Variants in F13A1 observed in about 807,000 individuals in gnomAD.
F13A1 encodes the protein FSF, A subunit.
Under a neutral mutation model 80.1 loss-of-function variants are expected in F13A1, and 47 were observed. The observed-to-expected ratio is 0.59, with a 90% CI of 0.46 to 0.75. The LOEUF (loss-of-function observed/expected upper bound fraction) is 0.75. F13A1 is among the 30% of genes least tolerant of loss of function. The pLI is 0.00. For missense variants in F13A1, 817 were observed against 930.4 expected, an observed-to-expected ratio of 0.88 and a Z score of 1.59; for synonymous variants, 349 against 344.9, an observed-to-expected ratio of 1.01 and a Z score of -0.13.
intron 6 of F13A1, 137 bp from the exon 7 acceptor site, chr6:6,224,997 GT>G: frequency 1.1e-6 from 1 of 909,232 alleles, no homozygotes; most frequent in Non-Finnish European, 1.7e-6. Flanking sequence ...CTTCTGTTCG[GT>G]TTACCATTAC....
intron 11 of F13A1, among the ~76,000 whole-genome samples, chr6:6,179,776 C>A (rs1376330296): frequency 2.6e-5 from 4 of 152,186 alleles, no homozygotes; most frequent in Non-Finnish European, 4.4e-5. Context: ...TTGGACCAGA[C>A]CTCCACACTG....
At chr6:6,234,919 G>T (rs1290915596) in intron 6 of F13A1, among the ~76,000 whole-genome samples, 1 of 151,886 alleles carries the variant, frequency 6.6e-6, no homozygotes, top group Non-Finnish European at 1.5e-5. Context: ...TAAGTAGCAT[G>T]ACACCATTTG....
intron 6 of F13A1, among the ~76,000 whole-genome samples, chr6:6,245,476 G>A (rs1460291888): frequency 2.6e-5 from 4 of 152,220 alleles, no homozygotes; most frequent in East Asian, 3.9e-4. Flanking sequence ...TGCCCGCCTC[G>A]GCCTCCCAAA....
Position 6,301,182 on chromosome 6 carries a change from T to C in F13A1, c.319+4169A>G, listed in dbSNP as rs545010607. Among the ~76,000 whole-genome samples the C allele has an allele frequency of 6.4e-4, 97 of 152,324 alleles. 1 individual carries two copies. The highest frequency in any genetic ancestry group is 2.2e-3 in the African/African-American group (93 of 41,580). On this transcript the variant is annotated intron_variant, in intron 3 of 14. Coordinates refer to ENST00000264870, the MANE Select transcript of F13A1 (RefSeq NM_000129.4). ...AGGCACTGAATTTTAAGAGAATTAT[T>C]TCCCCAGCAATGTTCTTTTTTCTTC...
intron 8 of F13A1, among the ~76,000 whole-genome samples, chr6:6,197,827 G>A (rs140753825): frequency 6.6e-6 from 1 of 152,216 alleles, no homozygotes; most frequent in East Asian, 1.9e-4. Flanking sequence ...CATCCCTCAG[G>A]ACACTCACAT....
intron 10 of F13A1, 132 bp downstream of exon 10, chr6:6,195,665 C>T: frequency 1.3e-6 from 1 of 780,518 alleles, no homozygotes; most frequent in Non-Finnish European, 2.2e-6. Context: ...GGAATAATGC[C>T]TAGTTACCTT....
At chr6:6,310,120 G>A (rs1296685542) in intron 2 of F13A1, among the ~76,000 whole-genome samples, 2 of 152,170 alleles carry the variant, frequency 1.3e-5, no homozygotes, top group Non-Finnish European at 2.9e-5. Context: ...AGTCCATCAT[G>A]GCATAGTGCT....
chr6:6,248,255 T>G lies in F13A1; in HGVS notation c.798+57A>C. The G allele has an allele frequency of 2.2e-6, 3 of 1,362,848 alleles. No individual in the cohort carries two copies. The South Asian group carries it at 3.5e-5, about 16-fold the overall frequency. 84.4% of individuals were successfully genotyped at this position (1,362,848 alleles called of 1,614,324 possible). A position where few individuals can be genotyped will look rare whatever the true frequency, so the allele number is the denominator to read the frequency against. On this transcript the variant is annotated intron_variant, in intron 6 of 14. Coordinates refer to ENST00000264870, the MANE Select transcript of F13A1 (RefSeq NM_000129.4). ...CAGCAGCTCTTAATGAACTGGCATA[T>G]ATACTGAGGCAAATGACAGGTGTAA...
At chr6:6,302,181 C>T (rs1456436218) in intron 3 of F13A1, among the ~76,000 whole-genome samples, 1 of 152,170 alleles carries the variant, frequency 6.6e-6, no homozygotes, top group Non-Finnish European at 1.5e-5. Flanking sequence ...CTTCCCTCTC[C>T]TCTTCTCCCC....
chr6:6,158,730 G>A (rs1760520968), intron 13 of F13A1, among the ~76,000 whole-genome samples: 1 of 151,998 alleles, frequency 6.6e-6, no homozygotes, highest in Non-Finnish European at 1.5e-5. Context: ...AAAATGGTCA[G>A]GGTTCAGCAA....
rs148436386 is a variant in F13A1 at position 6,301,843 on chromosome 6, A to G, written c.319+3508T>C. 2.9e-3 allele frequency among the ~76,000 whole-genome samples: 443 copies of G among 152,308 alleles called. 10 individuals are homozygous for G. The highest frequency in any genetic ancestry group is 0.026 in the Admixed American group (391 of 15,300). Reference sequence around the variant, plus strand: ...AAGGTATAAAAGGTATAACAGGCCCATGCCCTTGGCTCAAGGCGAGACAAC... The same window carrying G: ...AAGGTATAAAAGGTATAACAGGCCCGTGCCCTTGGCTCAAGGCGAGACAAC... On this transcript the variant is annotated intron_variant, in intron 3 of 14. Transcript: ENST00000264870.
At chr6:6,220,762 C>A (rs1757181696) in intron 8 of F13A1, among the ~76,000 whole-genome samples, 1 of 152,090 alleles carries the variant, frequency 6.6e-6, no homozygotes, top group African/African-American at 2.4e-5. Context: ...AATTTCTGTT[C>A]AATTTACAGA....
intron 3 of F13A1, among the ~76,000 whole-genome samples, chr6:6,281,664 G>A (rs1758066513): frequency 6.6e-6 from 1 of 152,168 alleles, no homozygotes; most frequent in Non-Finnish European, 1.5e-5. Context: ...GGCACATTGT[G>A]AAGACTCAGT....
chr6:6,250,220 G>T lies in F13A1; in HGVS notation c.690+591C>A, dbSNP rs1757611521. Among the ~76,000 whole-genome samples, 1 of 152,112 alleles carries T rather than the reference G, an allele frequency of 6.6e-6. No homozygotes were observed. ...AAAATTGGTAAAATATCATTCATTT[G>T]CTCCATTGTTAAAGATACCAAACTG... On this transcript the variant is annotated intron_variant, in intron 5 of 14. Transcript: ENST00000264870. The surrounding 1 kb of genome is among the most constrained non-coding windows in gnomAD (Gnocchi z 4.2).
intron 6 of F13A1, among the ~76,000 whole-genome samples, chr6:6,241,476 T>C (rs924012270): frequency 3.9e-5 from 6 of 152,200 alleles, no homozygotes; most frequent in Non-Finnish European, 7.3e-5. Flanking sequence ...GGTAACAAGG[T>C]ATTATTACAT....
rs144579234 is a variant in F13A1, at chr6:6,201,650, T to C, written c.1113-4324A>G. On this transcript the variant is annotated intron_variant, in intron 8 of 14. Coordinates refer to ENST00000264870, the MANE Select transcript of F13A1 (RefSeq NM_000129.4). ...ATTTAAGCATGCTCAGTTTTTTATA[T>C]CCCAAGTTCCTCCATGAAAGAGGCT... Among the ~76,000 whole-genome samples the C allele has an allele frequency of 1.9e-3, 288 of 152,336 alleles. 2 individuals carry two copies. Among genetic ancestry groups the C allele is most frequent in the African/African-American group, 6.8e-3 (281 of 41,566 alleles).
intron 3 of F13A1, among the ~76,000 whole-genome samples, chr6:6,303,304 C>A (rs1217093680): frequency 1.3e-5 from 2 of 152,126 alleles, no homozygotes; most frequent in Non-Finnish European, 1.5e-5. Context: ...GTCCAAAAAA[C>A]CAAAACCAAA....
chr6:6,290,853 C>G (rs1422334705), intron 3 of F13A1, among the ~76,000 whole-genome samples: 2 of 152,126 alleles, frequency 1.3e-5, no homozygotes, highest in Non-Finnish European at 2.9e-5. Flanking sequence ...CACCAAAATG[C>G]AGCACAAAAT....
intron 3 of F13A1, chr6:6,304,982 A>AT: frequency 2.8e-6 from 1 of 356,896 alleles, no homozygotes; most frequent in Non-Finnish European, 5.4e-6. Context: ...TTCGGAATGC[A>AT]TACTTGGATT....
Sources: allele counts gnomAD v4.1 joint callset (sites outside exome capture counted in the v4.1 genomes callset), GRCh38; gene constraint gnomAD v4.1.1; non-coding constraint Gnocchi (gnomAD v3.1); transcripts MANE v1.5; gene names NCBI Gene and HGNC (gene_info 2026-07-23, HGNC 2026-07-21).